The following DCHS2 variants were observed in gnomAD, a reference collection of about 807,000 sequenced individuals.
DCHS2 encodes the protein protocadherin-23.
DCHS2 carries 142 observed loss-of-function variants against 182.4 expected under a neutral mutation model. The ratio of observed to expected loss-of-function variants is 0.78; its 90% CI spans 0.68 to 0.89. DCHS2 has a LOEUF of 0.89. DCHS2 is among the 40% of genes least tolerant of loss of function. The probability of loss-of-function intolerance (pLI) is 0.00; values close to 1 mark genes in which losing one functional copy is unlikely to be tolerated. For missense variants in DCHS2, 4,319 were observed against 4,198.6 expected, an observed-to-expected ratio of 1.03 and a Z score of -0.79; for synonymous variants, 1,740 against 1,663.3, an observed-to-expected ratio of 1.05 and a Z score of -1.12.
chr4:154,425,329 G>A (rs1300670277), intron 1 of DCHS2, among the ~76,000 whole-genome samples: 1 of 152,182 alleles, frequency 6.6e-6, no homozygotes, highest in African/African-American at 2.4e-5. Flanking sequence ...AGCGTGTGGA[G>A]GACTCTTCTC....
chr4:154,414,417 G>C (rs1464019077), intron 1 of DCHS2, among the ~76,000 whole-genome samples: 2 of 147,274 alleles, frequency 1.4e-5, no homozygotes, highest in African/African-American at 2.5e-5. Context: ...TAACATTAAA[G>C]GAAGCAAAGC....
intron 6 of DCHS2, 127 bp from the exon 7 acceptor site, chr4:154,328,319 C>A: frequency 1.7e-6 from 1 of 575,338 alleles, no homozygotes; most frequent in Non-Finnish European, 2.9e-6. Context: ...ACATATAATT[C>A]AAATGCATAC....
At chr4:154,388,933 G>A (rs1174045583) in intron 1 of DCHS2, among the ~76,000 whole-genome samples, 1 of 152,104 alleles carries the variant, frequency 6.6e-6, no homozygotes, top group Admixed American at 6.6e-5. Flanking sequence ...TCACAGTACT[G>A]GGTTCTTGAA....
chr4:154,277,209 G>T (rs1414309783), intron 13 of DCHS2, among the ~76,000 whole-genome samples: 2 of 152,142 alleles, frequency 1.3e-5, no homozygotes, highest in African/African-American at 4.8e-5. Flanking sequence ...TCTCCACTGG[G>T]ATGGAAAGAG....
rs763960902 is a variant in DCHS2 at position 154,489,494 on chromosome 4, A to G, written c.1862T>C (p.Leu621Pro). Residue 621 changes from leucine (L) to proline (P), a missense_variant, in exon 1 of 20, where the codon CTA becomes CCA. Leu to Pro is a moderately conservative substitution (Grantham distance 98). Coordinates refer to ENST00000357232, the MANE Select transcript of DCHS2 (RefSeq NM_001358235.2). ...ESGAISTIRTLDREVQEAVEL... is the reference protein window; with the variant it reads ...ESGAISTIRTPDREVQEAVEL... ...CACCGCCTCCTGGACCTCTCGGTCT[A>G]GAGTCCGGATAGTGCTGATCGCACC... 1.3e-6 allele frequency: 2 copies of G among 1,551,702 alleles called. No homozygotes were observed. Among genetic ancestry groups the G allele is most frequent in the Non-Finnish European group, 8.7e-7 (1 of 1,146,986 alleles).
chr4:154,394,298 A>T (rs896305557), intron 1 of DCHS2, among the ~76,000 whole-genome samples: 1 of 152,186 alleles, frequency 6.6e-6, no homozygotes, highest in African/African-American at 2.4e-5. Flanking sequence ...CAGAATTGAA[A>T]TGTCAAGGTC....
chr4:154,486,187 T>C (rs1002035719), intron 1 of DCHS2, among the ~76,000 whole-genome samples: 4 of 152,256 alleles, frequency 2.6e-5, no homozygotes, highest in Admixed American at 6.5e-5. Context: ...AGTTTGCTAA[T>C]GGTTCTTGTC....
At chr4:154,262,871 C>G (rs541562622) in intron 14 of DCHS2, among the ~76,000 whole-genome samples, 1 of 152,172 alleles carries the variant, frequency 6.6e-6, no homozygotes, top group Non-Finnish European at 1.5e-5. Context: ...TATTTACATA[C>G]AAAACCTTAG....
intron 3 of DCHS2, among the ~76,000 whole-genome samples, chr4:154,351,039 C>T (rs544770066): frequency 6.6e-6 from 1 of 152,284 alleles, no homozygotes; most frequent in African/African-American, 2.4e-5. Flanking sequence ...GACATGAAAG[C>T]TATGTCAAGG....
chr4:154,367,626 T>G (rs1047899200), intron 2 of DCHS2, among the ~76,000 whole-genome samples: 10 of 152,216 alleles, frequency 6.6e-5, no homozygotes, highest in Non-Finnish European at 1.2e-4. Flanking sequence ...TCTGTTTCTA[T>G]CTGGTACATT....
At chr4:154,360,096 T>A (rs1730049528) in intron 3 of DCHS2, among the ~76,000 whole-genome samples, 1 of 152,100 alleles carries the variant, frequency 6.6e-6, no homozygotes, top group Admixed American at 6.6e-5. Context: ...TTTAGAGTCT[T>A]CAGTCTCTTA....
At chr4:154,288,606 G>A (rs1734515505) in intron 13 of DCHS2, among the ~76,000 whole-genome samples, 1 of 152,048 alleles carries the variant, frequency 6.6e-6, no homozygotes, top group South Asian at 2.1e-4. Context: ...CAATGAAATG[G>A]ATGGAGAATA....
Position 154,234,691 on chromosome 4 carries a change from G to T in DCHS2, c.9961C>A (p.Pro3321Thr), listed in dbSNP as rs1325865090. 5.0e-6 allele frequency: 8 copies of T among 1,613,886 alleles called. No homozygotes were observed. Among genetic ancestry groups the T allele is most frequent in the Admixed American group, 1.7e-5 (1 of 59,988 alleles). Residue 3321 changes from proline to threonine, a missense_variant, in exon 20 of 20, where the codon CCA becomes ACA. Transcript: ENST00000357232. The stretch of plus-strand genomic sequence containing the variant: ...GAAAAATTGGGAGTCATGCCTTCTG[G>T]CAGAGAACCAAGATGGTAGGGGATG... ...SPIPYHLGSL[P>T]EGMTPNFSPS...
intron 1 of DCHS2, among the ~76,000 whole-genome samples, chr4:154,454,755 A>G (rs1364415827): frequency 6.6e-6 from 1 of 152,200 alleles, no homozygotes; most frequent in Non-Finnish European, 1.5e-5. Flanking sequence ...GACATCCTCT[A>G]AAGTATTAAC....
chr4:154,303,839 G>T (rs1219829524), intron 12 of DCHS2, among the ~76,000 whole-genome samples: 1 of 152,118 alleles, frequency 6.6e-6, no homozygotes, highest in East Asian at 1.9e-4. Context: ...CCACAGAAAT[G>T]CAAGTAAATC....
intron 3 of DCHS2, among the ~76,000 whole-genome samples, chr4:154,359,022 A>T (rs1217475488): frequency 6.6e-6 from 1 of 151,904 alleles, no homozygotes; most frequent in Non-Finnish European, 1.5e-5. Flanking sequence ...TCAGAGTAAA[A>T]TTTATGACAC....
Position 154,236,263 on chromosome 4 carries a change from C to A in DCHS2, c.8389G>T (p.Asp2797Tyr). 1 of 1,614,002 alleles carries A rather than the reference C, an allele frequency of 6.2e-7. No homozygotes were observed. Among genetic ancestry groups the A allele is most frequent in the Non-Finnish European group, 8.5e-7 (1 of 1,179,960 alleles). Residue 2797 changes from aspartate to tyrosine, a missense_variant, in exon 20 of 20, where the codon GAT (aspartate) becomes TAT (tyrosine). Asp to Tyr is a radical substitution (Grantham distance 160). Coordinates refer to ENST00000357232, the MANE Select transcript of DCHS2 (RefSeq NM_001358235.2). ...TICSINALDFDAGPYGELTYS... is the reference protein window; with the variant it reads ...TICSINALDFYAGPYGELTYS... ...GTCAATTCTCCATACGGACCAGCAT[C>A]AAAATCCAGAGCATTTATAGAGCAT...
intron 13 of DCHS2, among the ~76,000 whole-genome samples, chr4:154,295,991 C>A (rs1734909821): frequency 6.6e-6 from 1 of 152,180 alleles, no homozygotes; most frequent in Non-Finnish European, 1.5e-5. Context: ...TCCCATATGT[C>A]ATCAGTTTTA....
chr4:154,454,137 A>G (rs75907308), intron 1 of DCHS2, among the ~76,000 whole-genome samples: 346 of 10,992 alleles, frequency 0.031, 1 homozygote, highest in African/African-American at 0.054. Flanking sequence ...ATGCGCGCGC[A>G]CACACACACA....
Sources: allele counts gnomAD v4.1 joint callset (sites outside exome capture counted in the v4.1 genomes callset), GRCh38; gene constraint gnomAD v4.1.1; transcripts MANE v1.5; gene names NCBI Gene and HGNC (gene_info 2026-07-23, HGNC 2026-07-21).